The following DNAAF4 variants were observed in gnomAD, a reference collection of about 807,000 sequenced individuals.
DNAAF4 encodes the protein dynein axonemal assembly factor 4.
A neutral mutation model predicts 51.8 loss-of-function variants in DNAAF4; 43 were observed. The observed-to-expected ratio is 0.83, with a 90% CI of 0.65 to 1.07. The LOEUF (loss-of-function observed/expected upper bound fraction) is 1.07. Ranked by LOEUF, DNAAF4 falls within the 50% of genes least tolerant of loss-of-function variation. The pLI is 0.00. For missense variants in DNAAF4, 581 were observed against 493.0 expected (o/e 1.18, Z -1.69); for synonymous variants, 194 against 165.6 (o/e 1.17, Z -1.32).
At chr15:55,502,230 G>C (rs181071929) in intron 1 of DNAAF4, among the ~76,000 whole-genome samples, 2 of 152,268 alleles carry the variant, frequency 1.3e-5, no homozygotes, top group East Asian at 1.9e-4. Context: ...TAGAATTTAG[G>C]AGAAGGAGGT....
intron 6 of DNAAF4, among the ~76,000 whole-genome samples, chr15:55,447,197 C>T (rs181097511): frequency 0.014 from 2,080 of 144,148 alleles, 44 homozygotes; most frequent in African/African-American, 0.052. Context: ...CGGGCAGAGG[C>T]GCTCCTCACT....
chr15:55,470,342 G>A (rs1237591271), intron 4 of DNAAF4, among the ~76,000 whole-genome samples: 5 of 151,700 alleles, frequency 3.3e-5, no homozygotes, highest in East Asian at 2.0e-4. Flanking sequence ...GTGAGCCACC[G>A]CGCCCAGCCA....
chr15:55,447,540 G>A (rs182333745), intron 6 of DNAAF4, among the ~76,000 whole-genome samples: 22 of 151,834 alleles, frequency 1.4e-4, no homozygotes, highest in African/African-American at 4.8e-4. Context: ...TCGGGAGGCC[G>A]AGGCGGGCAG....
At chr15:55,430,193 T>C (rs1336133366), downstream of DNAAF4, 1 of 186,704 alleles carries the variant, frequency 5.4e-6, no homozygotes, top group Non-Finnish European at 1.0e-5. Flanking sequence ...TAGAGAAGTA[T>C]TAAACAAAAA....
intron 6 of DNAAF4, among the ~76,000 whole-genome samples, chr15:55,447,004 A>G (rs1450564498): frequency 1.5e-5 from 2 of 134,684 alleles, no homozygotes; most frequent in Non-Finnish European, 3.1e-5. Context: ...AGCTGGGCAG[A>G]GGCGCTCTCC....
At chr15:55,446,533 G>GGGT (rs2057821397) in intron 6 of DNAAF4, among the ~76,000 whole-genome samples, 1 of 147,094 alleles carries the variant, frequency 6.8e-6, no homozygotes, top group African/African-American at 2.5e-5. Context: ...TTCCCAGACC[G>GGGT]GGTGGCCGGG....
chr15:55,476,554 A>C (rs905338295), intron 4 of DNAAF4, among the ~76,000 whole-genome samples: 2 of 152,242 alleles, frequency 1.3e-5, no homozygotes, highest in African/African-American at 4.8e-5. Context: ...GGGTAAGCGT[A>C]AAAGACAATA....
At chr15:55,458,977 G>C (rs886869402) in intron 5 of DNAAF4, among the ~76,000 whole-genome samples, 1 of 151,732 alleles carries the variant, frequency 6.6e-6, no homozygotes, top group Non-Finnish European at 1.5e-5. Context: ...TCAGGAGGCT[G>C]AGGCAGGAGA....
intron 4 of DNAAF4, 21 bp from the exon 5 acceptor site, chr15:55,467,182 A>C (rs12911689): frequency 6.8e-7 from 1 of 1,465,078 alleles, no homozygotes; most frequent in Non-Finnish European, 9.2e-7. Flanking sequence ...TGCAATTACC[A>C]AATTCTTTAA....
chr15:55,478,510 C>T (rs886930924), intron 4 of DNAAF4, among the ~76,000 whole-genome samples: 2 of 152,126 alleles, frequency 1.3e-5, no homozygotes, highest in Non-Finnish European at 2.9e-5. Context: ...AATGGCAGTG[C>T]CAGTCAACAT....
intron 6 of DNAAF4, chr15:55,443,298 C>T (rs898943901): frequency 7.8e-5 from 111 of 1,418,012 alleles, no homozygotes; most frequent in Admixed American, 1.0e-4. Flanking sequence ...GCCTGCCTAC[C>T]GGTGGCGGCT....
In DNAAF4 at chr15:55,434,975, A is replaced by T. The variant is rs1188641271; in HGVS notation, c.977T>A (p.Leu326Ter). Residue 326 changes from leucine to a stop codon, truncating the protein, a stop_gained, in exon 8 of 10, where the codon TTG becomes TAG. Coordinates refer to ENST00000321149, the MANE Select transcript of DNAAF4 (RefSeq NM_130810.4). LOFTEE classifies it high-confidence loss of function. Reference protein sequence around the residue: ...AIRLNNKMPLLYLNRAACHLK... With the variant: ...AIRLNNKMPL ...GTGGCAAGCAGCCCGGTTCAAATAC[A>T]ATAGTGGCATCTTATTATTTAGTCT... The T allele has an allele frequency of 6.2e-7, 1 of 1,613,492 alleles. No homozygotes were observed. Among genetic ancestry groups the T allele is most frequent in the Admixed American group, 1.7e-5 (1 of 59,866 alleles).
chr15:55,442,481 T>G (rs574269898), intron 6 of DNAAF4, among the ~76,000 whole-genome samples: 4 of 152,310 alleles, frequency 2.6e-5, no homozygotes, highest in African/African-American at 9.6e-5. Context: ...AGATGGAAAC[T>G]GAATCCTCCT....
chr15:55,496,804 G>A (rs1344698417), intron 3 of DNAAF4, among the ~76,000 whole-genome samples: 1 of 151,478 alleles, frequency 6.6e-6, no homozygotes, highest in African/African-American at 2.4e-5. Flanking sequence ...AAAATATGCT[G>A]CTTTCATATA....
At chr15:55,451,205 G>A (rs2057927027) in intron 5 of DNAAF4, among the ~76,000 whole-genome samples, 1 of 152,200 alleles carries the variant, frequency 6.6e-6, no homozygotes, top group African/African-American at 2.4e-5. Context: ...GCCAAATAAT[G>A]TGATAACAGA....
At position 55,437,531 on chromosome 15, in the gene DNAAF4, T is replaced by C. The variant is rs942074492; in HGVS notation, c.893+1941A>G. On this transcript the variant is annotated intron_variant, in intron 7 of 9. Transcript: ENST00000321149. Reference sequence around the variant, plus strand: ...CGCCCCCCAAAAAAAGATGTCCATATTCTAATCCCAGAACCTATGAACGTT... The same window carrying C: ...CGCCCCCCAAAAAAAGATGTCCATACTCTAATCCCAGAACCTATGAACGTT... Among the ~76,000 whole-genome samples the C allele has an allele frequency of 1.1e-4, 16 of 150,672 alleles. 1 individual carries two copies. The highest frequency in any genetic ancestry group is 7.3e-4 in the Admixed American group (11 of 15,098).
intron 7 of DNAAF4, among the ~76,000 whole-genome samples, chr15:55,422,724 C>T (rs79636901): frequency 0.053 from 8,029 of 152,164 alleles, 310 homozygotes; most frequent in South Asian, 0.098. Flanking sequence ...AGGCCAGGCT[C>T]GAAGGCTCAC....
chr15:55,430,139 G>C (rs1258949489), downstream of DNAAF4, among the ~76,000 whole-genome samples: 1 of 152,086 alleles, frequency 6.6e-6, no homozygotes, highest in Non-Finnish European at 1.5e-5. Flanking sequence ...CTAAACAGTT[G>C]TTTTATACTA....
rs575241932 is a variant in DNAAF4 at position 55,451,615 on chromosome 15, A to AT, written c.638-1249dup. On this transcript the variant is annotated intron_variant, in intron 5 of 9. Transcript: ENST00000321149. ...GAACACACTAAAAATTTTGTGAATA[A>AT]TATCTTTTTTTTTTTTTGAGACAGG... Among the ~76,000 whole-genome samples, 80 of 94,604 alleles carry AT rather than the reference A, an allele frequency of 8.5e-4. 1 individual carries two copies. The South Asian group carries it at 0.011, about 13-fold the overall frequency. 62.1% of individuals were successfully genotyped at this position (94,604 alleles called of 152,430 possible). A position where few individuals can be genotyped will look rare whatever the true frequency, so the allele number is the denominator to read the frequency against.
Sources: allele counts gnomAD v4.1 joint callset (sites outside exome capture counted in the v4.1 genomes callset), GRCh38; gene constraint gnomAD v4.1.1; transcripts MANE v1.5; gene names NCBI Gene and HGNC (gene_info 2026-07-23, HGNC 2026-07-21).